Variants in ICA1 observed in about 807,000 individuals in gnomAD.
ICA1 encodes the protein islet cell autoantigen 1.
Under a neutral mutation model 71.0 loss-of-function variants are expected in ICA1, and 40 were observed. The ratio of observed to expected loss-of-function variants is 0.56; its 90% CI spans 0.44 to 0.73. The LOEUF is 0.73. Ranked by LOEUF, ICA1 falls within the 30% of genes least tolerant of loss-of-function variation. The pLI is 0.00. For missense variants in ICA1, 578 were observed against 576.5 expected (o/e 1.00, Z -0.03); for synonymous variants, 207 against 209.5 (o/e 0.99, Z 0.10).
At chr7:8,189,974 G>C (rs1417797967) in intron 6 of ICA1, among the ~76,000 whole-genome samples, 4 of 152,218 alleles carry the variant, frequency 2.6e-5, no homozygotes, top group Non-Finnish European at 2.9e-5. Context: ...TCGTAATGAA[G>C]TAAGCCACTA....
Position 8,262,127 on chromosome 7 carries a change from G to C in ICA1, c.-113C>G, listed in dbSNP as rs1347576699. 6.6e-6 allele frequency: 1 copy of C among 152,198 alleles called. No individual in the cohort carries two copies. The highest frequency in any genetic ancestry group is 1.5e-5 in the Non-Finnish European group (1 of 68,042). 9.4% of individuals were successfully genotyped at this position (152,198 alleles called of 1,614,324 possible). A position where few individuals can be genotyped will look rare whatever the true frequency, so the allele number is the denominator to read the frequency against. On this transcript the variant is annotated 5_prime_UTR_variant, in exon 1 of 14. Transcript: ENST00000402384. Reference sequence around the variant, plus strand: ...CCCGGCCCCCAGGAGCCTCCCGGCCGCGGTCGGAGCGTCCCTCCGGATCAC... The same window carrying C: ...CCCGGCCCCCAGGAGCCTCCCGGCCCCGGTCGGAGCGTCCCTCCGGATCAC...
chr7:8,232,502 A>C, intron 3 of ICA1, 88 bp downstream of exon 3: 1 of 1,119,124 alleles, frequency 8.9e-7, no homozygotes, highest in South Asian at 2.8e-5. Context: ...AATACAAAGC[A>C]CACCCAGCTC....
intron 12 of ICA1, among the ~76,000 whole-genome samples, chr7:8,129,043 G>A (rs1158615385): frequency 6.6e-6 from 1 of 152,204 alleles, no homozygotes; most frequent in African/African-American, 2.4e-5. Context: ...AAAGAAGGCA[G>A]CCATCCTTAC....
chr7:8,195,495 T>A (rs1180901541), intron 6 of ICA1, among the ~76,000 whole-genome samples: 1 of 151,612 alleles, frequency 6.6e-6, no homozygotes. Flanking sequence ...TGAGCCAAGA[T>A]CATACCACTG....
At chr7:8,196,224 T>C (rs1473303544) in intron 6 of ICA1, among the ~76,000 whole-genome samples, 1 of 152,220 alleles carries the variant, frequency 6.6e-6, no homozygotes, top group African/African-American at 2.4e-5. Flanking sequence ...GAAATTTAAG[T>C]ACATATTACT....
At chr7:8,165,780 A>T (rs1805709459) in intron 6 of ICA1, among the ~76,000 whole-genome samples, 1 of 152,224 alleles carries the variant, frequency 6.6e-6, no homozygotes, top group South Asian at 2.1e-4. Context: ...CAATAGCCAC[A>T]AAAGGAATAA....
intron 1 of ICA1, among the ~76,000 whole-genome samples, chr7:8,238,204 T>C (rs1324068085): frequency 6.6e-6 from 1 of 152,196 alleles, no homozygotes; most frequent in African/African-American, 2.4e-5. Flanking sequence ...CTACTTAATT[T>C]TTTGAGGAAA....
intron 6 of ICA1, among the ~76,000 whole-genome samples, chr7:8,160,429 G>T (rs1015931121): frequency 6.6e-6 from 1 of 152,126 alleles, no homozygotes; most frequent in African/African-American, 2.4e-5. Flanking sequence ...GTTACTCATG[G>T]GCAGGGCTGG....
chr7:8,208,783 C>T (rs759653443), intron 6 of ICA1, among the ~76,000 whole-genome samples: 11 of 152,164 alleles, frequency 7.2e-5, no homozygotes, highest in Non-Finnish European at 1.6e-4. Context: ...GCGGAACAGT[C>T]AGTGTTGGGT....
At position 8,128,017 on chromosome 7, in the gene ICA1, C is replaced by A. The variant is rs757253043; in HGVS notation, c.1186G>T (p.Ala396Ser). The A allele has an allele frequency of 1.2e-6, 2 of 1,614,206 alleles. No homozygotes were observed. Among genetic ancestry groups the A allele is most frequent in the Non-Finnish European group, 1.7e-6 (2 of 1,180,046 alleles). The change falls in exon 13 of 14, where the codon GCT becomes TCT. Residue 396 changes from alanine to serine, a missense_variant. Physicochemically the swap from Ala to Ser is moderately conservative, Grantham distance 99. Transcript: ENST00000402384. The stretch of plus-strand genomic sequence containing the variant: ...TTCACTTGGCCGTCTCCAAACACAG[C>A]GGCCCACTCTTTGCTGAACTCGCCC... ...EEGEFSKEWAAVFGDGQVKEP... is the reference protein window; with the variant it reads ...EEGEFSKEWASVFGDGQVKEP...
At chr7:8,178,396 G>T (rs1385902953) in intron 6 of ICA1, among the ~76,000 whole-genome samples, 1 of 152,066 alleles carries the variant, frequency 6.6e-6, no homozygotes, top group African/African-American at 2.4e-5. Context: ...CATTCCTCAG[G>T]GAGGGTATGG....
chr7:8,156,415 C>A, intron 8 of ICA1: 1 of 153,490 alleles, frequency 6.5e-6, no homozygotes, highest in South Asian at 2.1e-4. Context: ...ACCCACTGTT[C>A]TCTCATCATC....
intron 8 of ICA1, 180 bp downstream of exon 8, chr7:8,156,929 TAAAAAAA>T: frequency 6.6e-7 from 1 of 1,519,738 alleles, no homozygotes; most frequent in Non-Finnish European, 8.8e-7. Context: ...CCTGATGCAG[TAAAAAAA>T]AAAAAAAAAA....
At chr7:8,209,856 A>G (rs1793023156) in intron 6 of ICA1, among the ~76,000 whole-genome samples, 1 of 152,228 alleles carries the variant, frequency 6.6e-6, no homozygotes, top group South Asian at 2.1e-4. Flanking sequence ...GAGTGTGTTA[A>G]GAATGGGGTG....
intron 6 of ICA1, among the ~76,000 whole-genome samples, chr7:8,196,833 T>A (rs1787749406): frequency 6.6e-6 from 1 of 152,084 alleles, no homozygotes; most frequent in South Asian, 2.1e-4. Flanking sequence ...TCACGGCAGT[T>A]CCCCCATACT....
intron 8 of ICA1, among the ~76,000 whole-genome samples, chr7:8,148,219 C>T (rs1001842745): frequency 2.0e-5 from 3 of 152,060 alleles, no homozygotes; most frequent in Non-Finnish European, 2.9e-5. Flanking sequence ...TGACAATAAA[C>T]GCTGTGACAG....
rs1486836104 is a variant in ICA1, at chr7:8,226,878, AG to A, written c.256+1722del. On this transcript the variant is annotated intron_variant, in intron 4 of 13. Coordinates refer to ENST00000402384, the MANE Select transcript of ICA1 (RefSeq NM_001136020.3). This position sits in a 1 kb window ranked among gnomAD's most constrained non-coding sequence, Gnocchi z 4.4. ...TCTATTAACTAATCTGAGGTGGTTT[AG>A]GGGGAAGTTTTTCCTCTATATTCTT... is the stretch of plus-strand genomic sequence containing the variant. 6.6e-6 allele frequency among the ~76,000 whole-genome samples: 1 copy of A among 152,314 alleles called. No homozygotes were observed. The highest frequency in any genetic ancestry group is 2.4e-5 in the African/African-American group (1 of 41,568).
chr7:8,155,442 G>A (rs1049553313), intron 8 of ICA1, among the ~76,000 whole-genome samples: 1 of 152,158 alleles, frequency 6.6e-6, no homozygotes, highest in African/African-American at 2.4e-5. Context: ...CTCAGCACAG[G>A]AGGCCAGGGA....
intron 1 of ICA1, among the ~76,000 whole-genome samples, chr7:8,247,156 T>C (rs1004133610): frequency 6.6e-6 from 1 of 151,800 alleles, no homozygotes; most frequent in Non-Finnish European, 1.5e-5. Context: ...TAGAGCCATT[T>C]AAAAACCATT....
Sources: allele counts gnomAD v4.1 joint callset (sites outside exome capture counted in the v4.1 genomes callset), GRCh38; gene constraint gnomAD v4.1.1; non-coding constraint Gnocchi (gnomAD v3.1); transcripts MANE v1.5; gene names NCBI Gene and HGNC (gene_info 2026-07-23, HGNC 2026-07-21).